Variants in CEP76 observed in about 807,000 individuals in gnomAD.
CEP76 encodes the protein centrosomal protein of 76 kDa.
In CEP76, 55 loss-of-function variants were observed where a neutral mutation model predicts 83.3. The ratio of observed to expected loss-of-function variants is 0.66; its 90% CI spans 0.53 to 0.83. The LOEUF (loss-of-function observed/expected upper bound fraction) is 0.83, where lower values mean the gene tolerates loss of function less well. Among genes scored for constraint, CEP76 ranks in the 40% least tolerant of loss-of-function variants. The pLI, the probability that CEP76 is intolerant of heterozygous loss-of-function variation, is 0.00. For synonymous variants in CEP76, 270 were observed against 274.5 expected, an observed-to-expected ratio of 0.98 and a Z score of 0.16; for missense variants, 694 against 799.5, an observed-to-expected ratio of 0.87 and a Z score of 1.59.
In CEP76 at chr18:12,677,458, CAAAAAAAAAAAAAA is replaced by C. The variant is rs71174127; in HGVS notation, c.1623+637_1623+650del. Among the ~76,000 whole-genome samples the C allele has an allele frequency of 1.4e-3, 74 of 53,944 alleles. No homozygotes were observed. The South Asian group carries it at 0.023, about 17-fold the overall frequency. 35.4% of individuals were successfully genotyped at this position (53,944 alleles called of 152,430 possible). On this transcript the variant is annotated intron_variant, in intron 10 of 11. Transcript: ENST00000262127. ...GGTGACAGAGCGAGAGATTCCATCT[CAAAAAAAAAAAAAA>C]AAAAAAAAAAAAGAGGTTTGATCTC...
chr18:12,699,314 A>G, intron 3 of CEP76, 111 bp from the exon 4 acceptor site: 1 of 694,348 alleles, frequency 1.4e-6, no homozygotes, highest in Non-Finnish European at 2.4e-6. Context: ...CCAAAGACTA[A>G]AAAAAAAGCA....
intron 9 of CEP76, among the ~76,000 whole-genome samples, chr18:12,678,858 A>AGCCAGGAGAATTGCTTGAACCCGG (rs1280543420): frequency 6.6e-6 from 1 of 152,136 alleles, no homozygotes; most frequent in African/African-American, 2.4e-5. Flanking sequence ...CGGGAGGCTA[A>AGCCAGGAGAATTGCTTGAACCCGG]GCCAGGAGAA....
At chr18:12,702,034 G>T (rs1326972887) in intron 1 of CEP76, among the ~76,000 whole-genome samples, 1 of 152,176 alleles carries the variant, frequency 6.6e-6, no homozygotes, top group Non-Finnish European at 1.5e-5. Flanking sequence ...GGCTGAGGCG[G>T]AGAATCGCTT....
At chr18:12,666,329 CAAAATAAA>C (rs2038801801) in intron 12 of CEP76, among the ~76,000 whole-genome samples, 1 of 150,512 alleles carries the variant, frequency 6.6e-6, no homozygotes, top group Admixed American at 6.7e-5. Flanking sequence ...ACCCCCAGCT[CAAAATAAA>C]AAATTATTAT....
intron 10 of CEP76, among the ~76,000 whole-genome samples, chr18:12,677,696 C>T (rs557457492): frequency 5.7e-4 from 87 of 152,132 alleles, no homozygotes; most frequent in African/African-American, 1.9e-3. Context: ...TGGGCTCAAG[C>T]GATCCACCCA....
chr18:12,698,337 T>A (rs1344190309), intron 4 of CEP76, among the ~76,000 whole-genome samples: 1 of 152,020 alleles, frequency 6.6e-6, no homozygotes, highest in East Asian at 1.9e-4. Flanking sequence ...CGGCTAGAAA[T>A]TTTGTATTTC....
chr18:12,662,530 C>G (rs2038714291), intron 12 of CEP76, among the ~76,000 whole-genome samples: 1 of 152,198 alleles, frequency 6.6e-6, no homozygotes, highest in Non-Finnish European at 1.5e-5. Context: ...AATCCCAGCA[C>G]TTTGGGAGGC....
chr18:12,675,312 T>TA (rs1327707158), intron 10 of CEP76, among the ~76,000 whole-genome samples: 1 of 151,832 alleles, frequency 6.6e-6, no homozygotes, highest in Non-Finnish European at 1.5e-5. Flanking sequence ...AGGAGAATGG[T>TA]ATGAATCCGG....
At chr18:12,676,087 G>C (rs1210385659) in intron 10 of CEP76, among the ~76,000 whole-genome samples, 1 of 151,816 alleles carries the variant, frequency 6.6e-6, no homozygotes, top group Non-Finnish European at 1.5e-5. Context: ...TATCATAATG[G>C]ATCTTTGGTA....
Position 12,701,133 on chromosome 18 carries a change from T to TA in CEP76, c.64-21dup. 6.3e-7 allele frequency: 1 copy of TA among 1,591,900 alleles called. No individual in the cohort carries two copies. Among genetic ancestry groups the TA allele is most frequent in the South Asian group, 1.1e-5 (1 of 88,394 alleles). On this transcript the variant is annotated intron_variant, in intron 1 of 11. Coordinates refer to ENST00000262127, the MANE Select transcript of CEP76 (RefSeq NM_024899.4). ...ATCCATCTATGTAGAAAACTCATAT[T>TA]ACAATTTATAACATCACAAAGCAGT...
chr18:12,665,995 C>T (rs2038795478), intron 12 of CEP76, among the ~76,000 whole-genome samples: 1 of 151,988 alleles, frequency 6.6e-6, no homozygotes, highest in Non-Finnish European at 1.5e-5. Flanking sequence ...GTGCCCGGCC[C>T]AACACAATTA....
chr18:12,702,320 C>T (rs1019644010), intron 1 of CEP76, 166 bp downstream of exon 1: 2 of 567,590 alleles, frequency 3.5e-6, no homozygotes, highest in Non-Finnish European at 6.2e-6. Flanking sequence ...GAGACGAGGA[C>T]GCTCTCCTGC....
intron 5 of CEP76, 44 bp downstream of exon 5, chr18:12,697,179 C>A: frequency 8.0e-7 from 1 of 1,253,826 alleles, no homozygotes; most frequent in Non-Finnish European, 1.1e-6. Flanking sequence ...TACAAATGAA[C>A]TGTGGCTATA....
intron 7 of CEP76, among the ~76,000 whole-genome samples, chr18:12,690,373 G>A (rs1008676853): frequency 3.9e-5 from 6 of 152,026 alleles, no homozygotes; most frequent in Admixed American, 2.6e-4. Context: ...TTATATGAAA[G>A]CATCTGTATG....
Position 12,691,478 on chromosome 18 carries a change from C to G in CEP76, c.814G>C (p.Glu272Gln). The change falls in exon 7 of 12, where the codon GAA becomes CAA. Residue 272 changes from glutamate to glutamine, a missense_variant. Transcript: ENST00000262127. ...QEVVNTQLAL[E>Q]RQKTAEKERL... The stretch of plus-strand genomic sequence containing the variant: ...TCTTTCTCTGCAGTTTTCTGACGTT[C>G]CAAAGCAAGCTTGAAATTGAAAAAA... 1 of 1,591,530 alleles carries G rather than the reference C, an allele frequency of 6.3e-7. No homozygotes were observed. The highest frequency in any genetic ancestry group is 1.4e-5 in the African/African-American group (1 of 74,000).
intron 6 of CEP76, among the ~76,000 whole-genome samples, chr18:12,694,075 TCCACCCACCTTAG>T (rs1324257723): frequency 6.6e-6 from 1 of 152,152 alleles, no homozygotes; most frequent in East Asian, 1.9e-4. Flanking sequence ...TCAAAAGTGA[TCCACCCACCTTAG>T]CCTCCCACAG....
intron 6 of CEP76, 82 bp downstream of exon 6, chr18:12,695,172 T>TA (rs777990599): frequency 3.9e-6 from 2 of 514,652 alleles, no homozygotes; most frequent in Admixed American, 8.0e-5. Context: ...TTTCTAAAAA[T>TA]AGAGTGCTTT....
Position 12,676,026 on chromosome 18 carries a change from AATAAT to A in CEP76, c.1624-1278_1624-1274del, listed in dbSNP as rs1227203426. On this transcript the variant is annotated intron_variant, in intron 10 of 11. Coordinates refer to ENST00000262127, the MANE Select transcript of CEP76 (RefSeq NM_024899.4). ...TGATATCTGGACACATGAAGTTAAA[AATAAT>A]AATATTACAAATACAAAAAATTCTC... Among the ~76,000 whole-genome samples the A allele has an allele frequency of 3.9e-5, 6 of 152,268 alleles. No individual in the cohort carries two copies. The East Asian group carries it at 1.2e-3, about 29-fold the overall frequency.
At chr18:12,680,900 TA>T in intron 8 of CEP76, 72 bp from the exon 9 acceptor site, 1 of 1,345,378 alleles carries the variant, frequency 7.4e-7, no homozygotes, top group Non-Finnish European at 1.0e-6. Context: ...AATACTAAAT[TA>T]TAATAAAAAT....
Sources: allele counts gnomAD v4.1 joint callset (sites outside exome capture counted in the v4.1 genomes callset), GRCh38; gene constraint gnomAD v4.1.1; transcripts MANE v1.5; gene names NCBI Gene and HGNC (gene_info 2026-07-23, HGNC 2026-07-21).